The following RAD51C variants were observed in gnomAD, a reference collection of about 807,000 sequenced individuals.
RAD51C encodes the protein RAD51 paralog C.
In RAD51C, 42 loss-of-function variants were observed where a neutral mutation model predicts 45.0. The observed-to-expected ratio is 0.93, with a 90% CI of 0.73 to 1.21. The LOEUF (loss-of-function observed/expected upper bound fraction) is 1.21. Ranked by LOEUF, RAD51C falls within the 50% of genes most tolerant of loss-of-function variation. The pLI, the probability that RAD51C is intolerant of heterozygous loss-of-function variation, is 0.00. For synonymous variants in RAD51C, 172 were observed against 159.8 expected (o/e 1.08, Z -0.58); for missense variants, 474 against 452.2 (o/e 1.05, Z -0.44).
rs1212879079 is a variant in RAD51C at position 58,734,840 on chromosome 17, C to G, written c.*618C>G. On this transcript the variant is annotated 3_prime_UTR_variant, in exon 9 of 9. Transcript: ENST00000337432. ...GAACTCCTGACCTCAGGTGATCTGCCTGCCCCTGCCTCCCAAAGTGCTGGG... is the reference window on the plus strand; with the variant it reads ...GAACTCCTGACCTCAGGTGATCTGCGTGCCCCTGCCTCCCAAAGTGCTGGG... The G allele has an allele frequency of 2.0e-5, 3 of 153,106 alleles. No individual in the cohort carries two copies. The highest frequency in any genetic ancestry group is 4.8e-5 in the African/African-American group (2 of 41,426). The allele number at this position is 153,106 out of a possible 1,614,324, so 9.5% of individuals were successfully genotyped here.
At chr17:58,723,550 T>C (rs1207434541) in intron 6 of RAD51C, among the ~76,000 whole-genome samples, 1 of 152,112 alleles carries the variant, frequency 6.6e-6, no homozygotes, top group African/African-American at 2.4e-5. Flanking sequence ...AATAGTTGCT[T>C]ATTTCTAGCC....
chr17:58,728,590 G>T (rs1567814409), intron 7 of RAD51C, among the ~76,000 whole-genome samples: 1 of 151,718 alleles, frequency 6.6e-6, no homozygotes, highest in Non-Finnish European at 1.5e-5. Context: ...TAGAGATGGG[G>T]TTTTGCCGTG....
rs969520083 is a variant in RAD51C, at chr17:58,733,600, G to A, written c.1027-518G>A. Among the ~76,000 whole-genome samples the A allele has an allele frequency of 3.3e-5, 5 of 152,160 alleles. No homozygotes were observed. The East Asian group carries it at 7.7e-4, about 23-fold the overall frequency. On this transcript the variant is annotated intron_variant, in intron 8 of 8. Coordinates refer to ENST00000337432, the MANE Select transcript of RAD51C (RefSeq NM_058216.3). ...TTATAATGCAATGTTATTTCTGTGC[G>A]TGTGTATGCAAGGGTATAAATAAGT...
intron 5 of RAD51C, among the ~76,000 whole-genome samples, chr17:58,716,795 G>T (rs1348480138): frequency 2.8e-5 from 4 of 145,146 alleles, no homozygotes; most frequent in Non-Finnish European, 6.0e-5. Flanking sequence ...TTTTAAGACG[G>T]AGTCTCGCTC....
intron 1 of RAD51C, 94 bp downstream of exon 1, chr17:58,692,882 G>A: frequency 6.4e-7 from 1 of 1,571,962 alleles, no homozygotes; most frequent in East Asian, 2.2e-5. Context: ...CCCAGTCTCC[G>A]TTAGATTCTG....
At chr17:58,704,450 T>A (rs895365085) in intron 4 of RAD51C, among the ~76,000 whole-genome samples, 3 of 151,914 alleles carry the variant, frequency 2.0e-5, no homozygotes, top group Non-Finnish European at 4.4e-5. Flanking sequence ...TTTTTTTTTT[T>A]TTTTATATTT....
At chr17:58,733,805 G>A (rs1259429491) in intron 8 of RAD51C, among the ~76,000 whole-genome samples, 5 of 152,100 alleles carry the variant, frequency 3.3e-5, no homozygotes, top group Admixed American at 1.3e-4. Flanking sequence ...TGCAACCTCC[G>A]CCTCCCAGGT....
intron 7 of RAD51C, among the ~76,000 whole-genome samples, chr17:58,730,640 G>T (rs945278540): frequency 1.1e-4 from 16 of 152,238 alleles, no homozygotes; most frequent in African/African-American, 3.9e-4. Flanking sequence ...GAGAGTAACA[G>T]ATCATAGCCA....
chr17:58,730,322 G>A (rs1054798438), intron 7 of RAD51C, among the ~76,000 whole-genome samples: 6 of 150,222 alleles, frequency 4.0e-5, no homozygotes, highest in African/African-American at 7.4e-5. Context: ...GTGCCACCAC[G>A]CCCAGCTAAT....
rs2048895163 is a variant in RAD51C, at chr17:58,720,830, T to C, written c.904+18T>C. The stretch of plus-strand genomic sequence containing the variant: ...TGCATTAGGTGGGTAATTAATCAGA[T>C]AAACATTTTAGTTTATCACAGTTTT... On this transcript the variant is annotated intron_variant, in intron 6 of 8. Coordinates refer to ENST00000337432, the MANE Select transcript of RAD51C (RefSeq NM_058216.3). 2 of 1,589,920 alleles carry C rather than the reference T, an allele frequency of 1.3e-6. No homozygotes were observed. The highest frequency in any genetic ancestry group is 1.7e-6 in the Non-Finnish European group (2 of 1,160,324).
intron 5 of RAD51C, among the ~76,000 whole-genome samples, chr17:58,719,538 C>G (rs1017202706): frequency 4.0e-5 from 6 of 151,522 alleles, no homozygotes; most frequent in Admixed American, 3.9e-4. Flanking sequence ...GTTTTATGAG[C>G]TAGATGTGGC....
intron 6 of RAD51C, among the ~76,000 whole-genome samples, chr17:58,723,370 T>C (rs1416818607): frequency 1.3e-5 from 2 of 152,050 alleles, no homozygotes; most frequent in Non-Finnish European, 2.9e-5. Flanking sequence ...TGAAAATGTA[T>C]ATTTAGAAGA....
intron 2 of RAD51C, among the ~76,000 whole-genome samples, chr17:58,696,274 A>T (rs2048003253): frequency 6.6e-6 from 1 of 151,998 alleles, no homozygotes; most frequent in African/African-American, 2.4e-5. Context: ...CTACTAAAAA[A>T]TACAAAGAAT....
At chr17:58,728,214 C>A (rs1438284095) in intron 7 of RAD51C, among the ~76,000 whole-genome samples, 1 of 149,170 alleles carries the variant, frequency 6.7e-6, no homozygotes, top group Non-Finnish European at 1.5e-5. Context: ...CACTGCACTC[C>A]AGCCTGGGCA....
intron 4 of RAD51C, among the ~76,000 whole-genome samples, chr17:58,704,377 A>G (rs186440826): frequency 8.6e-5 from 13 of 151,476 alleles, no homozygotes; most frequent in African/African-American, 2.7e-4. Context: ...GGTTAAGGCA[A>G]TTCTCCTGCC....
At chr17:58,704,334 G>A (rs566172444) in intron 4 of RAD51C, among the ~76,000 whole-genome samples, 17 of 151,534 alleles carry the variant, frequency 1.1e-4, no homozygotes, top group South Asian at 2.1e-4. Flanking sequence ...GTGCATTGGC[G>A]TGATCTTGGT....
chr17:58,717,733 C>G (rs1006393415), intron 5 of RAD51C, among the ~76,000 whole-genome samples: 1 of 151,942 alleles, frequency 6.6e-6, no homozygotes, highest in African/African-American at 2.4e-5. Context: ...GAGACCTTGT[C>G]TCAAAGAAAA....
chr17:58,711,048 AT>A (rs936238342), intron 5 of RAD51C, among the ~76,000 whole-genome samples: 4 of 151,976 alleles, frequency 2.6e-5, no homozygotes, highest in Admixed American at 6.6e-5. Flanking sequence ...TGAATTTCCA[AT>A]TTTTTTTGCC....
chr17:58,725,319 A>G (rs1179974568), intron 7 of RAD51C, among the ~76,000 whole-genome samples: 1 of 151,998 alleles, frequency 6.6e-6, no homozygotes, highest in African/African-American at 2.4e-5. Flanking sequence ...TCGGCACCAA[A>G]CCTTATTGTA....
Sources: allele counts gnomAD v4.1 joint callset (sites outside exome capture counted in the v4.1 genomes callset), GRCh38; gene constraint gnomAD v4.1.1; transcripts MANE v1.5; gene names NCBI Gene and HGNC (gene_info 2026-07-23, HGNC 2026-07-21).